USO1: variants seen among roughly 807,000 people sequenced by gnomAD.
USO1 encodes the protein general vesicular transport factor p115.
In USO1, 57 loss-of-function variants were observed where a neutral mutation model predicts 124.5. The observed-to-expected ratio is 0.46, with a 90% CI of 0.37 to 0.57. The LOEUF (loss-of-function observed/expected upper bound fraction) is 0.57, where lower values mean the gene tolerates loss of function less well. USO1 is among the 20% of genes least tolerant of loss of function. USO1 has a pLI of 0.00. For missense variants in USO1, 900 were observed against 1,040.6 expected, an observed-to-expected ratio of 0.86 and a Z score of 1.86; for synonymous variants, 369 against 362.8, an observed-to-expected ratio of 1.02 and a Z score of -0.19.
chr4:75,800,953 T>C (rs1722833495), intron 16 of USO1, 126 bp from the exon 17 acceptor site: 1 of 1,394,642 alleles, frequency 7.2e-7, no homozygotes, highest in Non-Finnish European at 9.5e-7. Flanking sequence ...CATTTGGCTT[T>C]CAGTAGGATT....
intron 4 of USO1, among the ~76,000 whole-genome samples, chr4:75,766,372 G>A (rs1392366389): frequency 6.6e-6 from 1 of 152,062 alleles, no homozygotes; most frequent in East Asian, 1.9e-4. Flanking sequence ...GTAAATCTTA[G>A]GACCATGGTT....
chr4:75,786,243 T>TA (rs1171313672), intron 9 of USO1, among the ~76,000 whole-genome samples: 1 of 152,194 alleles, frequency 6.6e-6, no homozygotes, highest in Non-Finnish European at 1.5e-5. Flanking sequence ...GCTGTAGTAA[T>TA]ACAAGTGTTT....
At chr4:75,791,600 AG>A (rs1722535582) in intron 12 of USO1, among the ~76,000 whole-genome samples, 1 of 152,216 alleles carries the variant, frequency 6.6e-6, no homozygotes, top group African/African-American at 2.4e-5. Context: ...GTTCTAGTAT[AG>A]GTTAGAGTCA....
At chr4:75,781,320 G>A (rs918289643) in intron 8 of USO1, among the ~76,000 whole-genome samples, 1 of 152,174 alleles carries the variant, frequency 6.6e-6, no homozygotes, top group African/African-American at 2.4e-5. Flanking sequence ...TTATGGATGA[G>A]CAAAGAAGGT....
chr4:75,731,858 A>G (rs1720642150), intron 1 of USO1, among the ~76,000 whole-genome samples: 1 of 152,154 alleles, frequency 6.6e-6, no homozygotes, highest in Non-Finnish European at 1.5e-5. Context: ...TGAATACTTA[A>G]AAAAAAGAAT....
At chr4:75,733,719 C>A (rs564189485) in intron 1 of USO1, among the ~76,000 whole-genome samples, 2 of 152,156 alleles carry the variant, frequency 1.3e-5, no homozygotes, top group East Asian at 3.9e-4. Flanking sequence ...GAATATTAGA[C>A]CTTTGTCAGA....
At chr4:75,753,263 G>A (rs1031369831) in intron 3 of USO1, among the ~76,000 whole-genome samples, 1 of 151,344 alleles carries the variant, frequency 6.6e-6, no homozygotes, top group Non-Finnish European at 1.5e-5. Context: ...GCCAGGCATG[G>A]TGTCTCATGC....
chr4:75,763,561 TGAG>T (rs1228543682), intron 4 of USO1, among the ~76,000 whole-genome samples: 1 of 152,284 alleles, frequency 6.6e-6, no homozygotes, highest in Non-Finnish European at 1.5e-5. Flanking sequence ...CATTGTAAAT[TGAG>T]GAGCATCTGT....
In USO1 at chr4:75,806,535, C is replaced by T. The variant is rs866294637; in HGVS notation, c.2339C>T (p.Ser780Leu). 6.4e-7 allele frequency: 1 copy of T among 1,561,532 alleles called. No homozygotes were observed. The highest frequency in any genetic ancestry group is 1.2e-5 in the South Asian group (1 of 84,666). The change falls in exon 20 of 24, where the codon TCA (serine) becomes TTA (leucine). Residue 780 changes from serine (S) to leucine (L), a missense_variant. Ser to Leu is a moderately radical substitution (Grantham distance 145). Coordinates refer to ENST00000514213, the MANE Select transcript of USO1 (RefSeq NM_003715.4). ...GTNEQSSAIV[S>L]ARDSEQVAEL... The stretch of plus-strand genomic sequence containing the variant: ...AATGAACAGTCTTCAGCAATAGTTT[C>T]AGCTAGAGATTCTGAACAAGTTGCA...
At chr4:75,804,970 CTA>C (rs1722951941) in intron 18 of USO1, 168 bp from the exon 19 acceptor site, 1 of 780,224 alleles carries the variant, frequency 1.3e-6, no homozygotes, top group South Asian at 4.2e-5. Flanking sequence ...CTGGAAAATA[CTA>C]TCAGTTCACT....
At chr4:75,750,330 C>T (rs1328857844) in intron 1 of USO1, among the ~76,000 whole-genome samples, 2 of 151,696 alleles carry the variant, frequency 1.3e-5, no homozygotes, top group African/African-American at 2.4e-5. Flanking sequence ...CCCAGCTACT[C>T]GAGAGGCTGA....
At chr4:75,740,307 A>G (rs912483244) in intron 1 of USO1, among the ~76,000 whole-genome samples, 2 of 152,180 alleles carry the variant, frequency 1.3e-5, no homozygotes, top group Non-Finnish European at 2.9e-5. Flanking sequence ...TTGTTTTTAG[A>G]GATGGAGTCT....
Position 75,730,634 on chromosome 4 carries a change from A to G in USO1, c.66+5749A>G, listed in dbSNP as rs953401760. On this transcript the variant is annotated intron_variant, in intron 1 of 23. Coordinates refer to ENST00000514213, the MANE Select transcript of USO1 (RefSeq NM_003715.4). Reference sequence around the variant, plus strand: ...TAGAATTCCTTATATACATTTGTTGATACCAAATACTGTTCCTCTTTCTTT... The same window carrying G: ...TAGAATTCCTTATATACATTTGTTGGTACCAAATACTGTTCCTCTTTCTTT... Among the ~76,000 whole-genome samples the G allele has an allele frequency of 2.6e-5, 4 of 152,066 alleles. No homozygotes were observed. The East Asian group carries it at 7.7e-4, about 29-fold the overall frequency.
At chr4:75,743,822 G>C (rs11727895) in intron 1 of USO1, among the ~76,000 whole-genome samples, 53,559 of 151,948 alleles carry the variant, frequency 0.35, 11,623 homozygotes, top group African/African-American at 0.62. Flanking sequence ...TGTCACCTAG[G>C]CTGGAGTGCA....
intron 4 of USO1, among the ~76,000 whole-genome samples, chr4:75,761,428 A>C (rs535273965): frequency 2.6e-5 from 4 of 152,296 alleles, no homozygotes; most frequent in African/African-American, 9.6e-5. Context: ...GCCTCTAAAA[A>C]ACAAACAAAC....
chr4:75,730,594 A>G (rs887882245), intron 1 of USO1, among the ~76,000 whole-genome samples: 2 of 152,002 alleles, frequency 1.3e-5, no homozygotes, highest in African/African-American at 2.4e-5. Flanking sequence ...CTTGAATCTG[A>G]TTAGGAAAGA....
intron 13 of USO1, among the ~76,000 whole-genome samples, chr4:75,797,150 C>T (rs770043697): frequency 1.3e-5 from 2 of 152,050 alleles, no homozygotes; most frequent in Admixed American, 6.6e-5. Context: ...GCCTGATAGA[C>T]AGAGCGAGAC....
At chr4:75,748,400 A>G (rs985489594) in intron 1 of USO1, among the ~76,000 whole-genome samples, 1 of 145,512 alleles carries the variant, frequency 6.9e-6, no homozygotes, top group South Asian at 2.2e-4. Context: ...CATTGCCTAC[A>G]CTGGTCTTGA....
intron 19 of USO1, among the ~76,000 whole-genome samples, chr4:75,805,920 T>C (rs984711709): frequency 6.6e-6 from 1 of 152,196 alleles, no homozygotes; most frequent in African/African-American, 2.4e-5. Flanking sequence ...AAATGTTTGC[T>C]TTTATGCTCT....
Sources: allele counts gnomAD v4.1 joint callset (sites outside exome capture counted in the v4.1 genomes callset), GRCh38; gene constraint gnomAD v4.1.1; transcripts MANE v1.5; gene names NCBI Gene and HGNC (gene_info 2026-07-23, HGNC 2026-07-21).